NSMCE2: variants seen among roughly 807,000 people sequenced by gnomAD.
The protein encoded by NSMCE2 is E3 SUMO-protein ligase NSE2.
In NSMCE2, 24 loss-of-function variants were observed where a neutral mutation model predicts 23.8. The ratio of observed to expected loss-of-function variants is 1.01; its 90% CI spans 0.73 to 1.42. The LOEUF (loss-of-function observed/expected upper bound fraction) is 1.42. Ranked by LOEUF, NSMCE2 falls within the 40% of genes most tolerant of loss-of-function variation. The pLI is 0.00. For synonymous variants in NSMCE2, 92 were observed against 94.1 expected (o/e 0.98, Z 0.13); for missense variants, 284 against 296.5 (o/e 0.96, Z 0.31).
At chr8:125,270,049 C>T (rs2131081816) in intron 5 of NSMCE2, among the ~76,000 whole-genome samples, 1 of 152,096 alleles carries the variant, frequency 6.6e-6, no homozygotes, top group South Asian at 2.1e-4. Flanking sequence ...ACTGTAGTAG[C>T]AATAAGCATA....
At chr8:125,272,795 G>GTA (rs1387757120) in intron 5 of NSMCE2, among the ~76,000 whole-genome samples, 2 of 135,270 alleles carry the variant, frequency 1.5e-5, no homozygotes, top group East Asian at 2.1e-4. Flanking sequence ...ATACACATGT[G>GTA]TATATATATA....
intron 4 of NSMCE2, among the ~76,000 whole-genome samples, chr8:125,168,845 T>C (rs1478188951): frequency 6.6e-6 from 1 of 152,246 alleles, no homozygotes; most frequent in Non-Finnish European, 1.5e-5. Context: ...ACAGAAGATA[T>C]GTGGTAATAA....
intron 5 of NSMCE2, among the ~76,000 whole-genome samples, chr8:125,195,881 T>G (rs1033642070): frequency 1.4e-3 from 118 of 83,804 alleles, no homozygotes; most frequent in Non-Finnish European, 1.7e-3. Context: ...CTGAATAACT[T>G]TTTTTTTTTT....
At chr8:125,313,985 T>G (rs1037821391) in intron 5 of NSMCE2, among the ~76,000 whole-genome samples, 1 of 152,206 alleles carries the variant, frequency 6.6e-6, no homozygotes, top group Admixed American at 6.5e-5. Flanking sequence ...TATCTGGCAT[T>G]TCCAGGGTAG....
intron 5 of NSMCE2, among the ~76,000 whole-genome samples, chr8:125,343,709 A>G (rs1432209375): frequency 6.6e-6 from 1 of 152,082 alleles, no homozygotes; most frequent in Non-Finnish European, 1.5e-5. Flanking sequence ...AAATATTACA[A>G]CTGCTGCCGG....
intron 5 of NSMCE2, among the ~76,000 whole-genome samples, chr8:125,353,838 G>A (rs186343398): frequency 5.9e-4 from 90 of 151,628 alleles, no homozygotes; most frequent in African/African-American, 2.0e-3. Context: ...AGCCAAGATC[G>A]TGCCATTGCA....
intron 1 of NSMCE2, among the ~76,000 whole-genome samples, chr8:125,093,778 G>T (rs536719505): frequency 3.3e-5 from 5 of 151,982 alleles, no homozygotes; most frequent in South Asian, 4.2e-4. Context: ...CTCATGGTGG[G>T]AGCAGGATGA....
At chr8:125,284,416 A>G (rs1827817155) in intron 5 of NSMCE2, among the ~76,000 whole-genome samples, 1 of 152,084 alleles carries the variant, frequency 6.6e-6, no homozygotes, top group African/African-American at 2.4e-5. Context: ...GGGGTTTGAG[A>G]CTGACCAACC....
intron 4 of NSMCE2, among the ~76,000 whole-genome samples, chr8:125,156,801 A>G (rs1821340970): frequency 6.6e-6 from 1 of 152,188 alleles, no homozygotes; most frequent in Admixed American, 6.5e-5. Flanking sequence ...ACTAGTTTTG[A>G]CTGTTTTTGA....
At chr8:125,198,547 C>T (rs1180661901) in intron 5 of NSMCE2, among the ~76,000 whole-genome samples, 1 of 152,144 alleles carries the variant, frequency 6.6e-6, no homozygotes, top group Non-Finnish European at 1.5e-5. Flanking sequence ...CCTACTTGAT[C>T]GTGGTGGATA....
At chr8:125,277,593 G>A (rs762474033) in intron 5 of NSMCE2, among the ~76,000 whole-genome samples, 9 of 151,426 alleles carry the variant, frequency 5.9e-5, no homozygotes, top group Non-Finnish European at 1.0e-4. Context: ...TGCAAGCTCC[G>A]CCTCCCAGGT....
In NSMCE2 at chr8:125,212,581, G is replaced by A. The variant is rs530758854; in HGVS notation, c.418+30325G>A. Reference sequence around the variant, plus strand: ...GGTACGTGTTCAGTACCAAACCGTTGGAAGTCATTGCCAGAGTATTAATTA... The same window carrying A: ...GGTACGTGTTCAGTACCAAACCGTTAGAAGTCATTGCCAGAGTATTAATTA... On this transcript the variant is annotated intron_variant, in intron 5 of 7. Transcript: ENST00000287437. Among the ~76,000 whole-genome samples the A allele has an allele frequency of 3.9e-5, 6 of 152,242 alleles. No individual in the cohort carries two copies. In the East Asian group the frequency reaches 1.2e-3, roughly 29 times the overall value.
intron 3 of NSMCE2, among the ~76,000 whole-genome samples, chr8:125,122,658 A>T (rs1192977647): frequency 6.6e-6 from 1 of 151,972 alleles, no homozygotes; most frequent in Admixed American, 6.6e-5. Flanking sequence ...CTCCCACCCA[A>T]ACCAAATTGA....
chr8:125,223,062 A>AAAAAT (rs541200115), intron 5 of NSMCE2, among the ~76,000 whole-genome samples: 44 of 151,784 alleles, frequency 2.9e-4, no homozygotes, highest in East Asian at 2.1e-3. Context: ...ACCCTGTCTC[A>AAAAAT]AAAATAAAAT....
chr8:125,295,646 A>G (rs1405483694), intron 5 of NSMCE2, among the ~76,000 whole-genome samples: 1 of 152,060 alleles, frequency 6.6e-6, no homozygotes, highest in East Asian at 1.9e-4. Flanking sequence ...TTCATAATAC[A>G]TCATCCCATG....
intron 5 of NSMCE2, among the ~76,000 whole-genome samples, chr8:125,236,805 TTTTC>T (rs1266429593): frequency 1.2e-4 from 18 of 152,110 alleles, no homozygotes; most frequent in East Asian, 9.7e-4. Flanking sequence ...ACTATCTTTC[TTTTC>T]TTTCTTTCTT....
chr8:125,244,103 T>C (rs752432973), intron 5 of NSMCE2, among the ~76,000 whole-genome samples: 10 of 152,022 alleles, frequency 6.6e-5, no homozygotes, highest in Non-Finnish European at 1.3e-4. Context: ...ATAAAGCTAA[T>C]GATAAATGAT....
chr8:125,328,548 G>C (rs1175899254), intron 5 of NSMCE2, among the ~76,000 whole-genome samples: 1 of 152,192 alleles, frequency 6.6e-6, no homozygotes, highest in African/African-American at 2.4e-5. Context: ...AGAATTCGCT[G>C]CCAAGCCAGA....
At chr8:125,139,946 T>C (rs1820276255) in intron 3 of NSMCE2, among the ~76,000 whole-genome samples, 2 of 152,206 alleles carry the variant, frequency 1.3e-5, no homozygotes, top group Admixed American at 1.3e-4. Flanking sequence ...CAGGTGTAGA[T>C]GTTTTTAATT....
Sources: allele counts gnomAD v4.1 joint callset (sites outside exome capture counted in the v4.1 genomes callset), GRCh38; gene constraint gnomAD v4.1.1; transcripts MANE v1.5; gene names NCBI Gene and HGNC (gene_info 2026-07-23, HGNC 2026-07-21).